Variants in CENPW observed in about 807,000 individuals in gnomAD.
The protein encoded by CENPW is centromere protein W, also known as cancer-up-regulated gene 2 protein.
In CENPW, 3 loss-of-function variants were observed where a neutral mutation model predicts 11.1. That is an observed-to-expected ratio of 0.27 (90% CI 0.12 to 0.70). The LOEUF (loss-of-function observed/expected upper bound fraction) is 0.70. Among genes scored for constraint, CENPW ranks in the 30% least tolerant of loss-of-function variants. CENPW has a pLI of 0.77. For synonymous variants in CENPW, 38 were observed against 42.0 expected (o/e 0.91, Z 0.37); for missense variants, 100 against 105.6 (o/e 0.95, Z 0.23).
the CENPW span, among the ~76,000 whole-genome samples, chr6:126,471,028 G>C: frequency 6.6e-6 from 1 of 152,176 alleles, no homozygotes; most frequent in Admixed American, 6.5e-5. Context: ...GCTGGAATGA[G>C]TTAAGAATTT....
At chr6:126,434,847 A>C in the CENPW span, among the ~76,000 whole-genome samples, 1 of 152,016 alleles carries the variant, frequency 6.6e-6, no homozygotes, top group Non-Finnish European at 1.5e-5. Flanking sequence ...GGAGACATCA[A>C]AGATCAATGA....
At chr6:126,392,077 A>T in the CENPW span, among the ~76,000 whole-genome samples, 1 of 151,946 alleles carries the variant, frequency 6.6e-6, no homozygotes, top group Non-Finnish European at 1.5e-5. Context: ...TGGAAATTTT[A>T]ACAACATTGA....
chr6:126,444,053 C>CA, the CENPW span, among the ~76,000 whole-genome samples: 30 of 135,596 alleles, frequency 2.2e-4, no homozygotes, highest in Non-Finnish European at 1.6e-5. Flanking sequence ...TCAATCAGGT[C>CA]TTTTTTTTTT....
chr6:126,384,894 T>C, the CENPW span, among the ~76,000 whole-genome samples: 3 of 152,056 alleles, frequency 2.0e-5, no homozygotes, highest in African/African-American at 7.2e-5. Flanking sequence ...ATCCAGCATC[T>C]ATAAGGAACT....
chr6:126,372,390 C>T, the CENPW span, among the ~76,000 whole-genome samples: 1 of 152,118 alleles, frequency 6.6e-6, no homozygotes, highest in African/African-American at 2.4e-5. Flanking sequence ...CAGGTTCTAA[C>T]ATTTTAAATT....
At chr6:126,381,248 T>A in the CENPW span, among the ~76,000 whole-genome samples, 1 of 152,234 alleles carries the variant, frequency 6.6e-6, no homozygotes, top group African/African-American at 2.4e-5. Flanking sequence ...TTTTTGTATA[T>A]GTTGTCTTAG....
chr6:126,397,302 T>G, the CENPW span, among the ~76,000 whole-genome samples: 9 of 152,050 alleles, frequency 5.9e-5, no homozygotes, highest in Admixed American at 1.3e-4. Flanking sequence ...ATTGGCTGAG[T>G]TTAGCCTGAT....
intron 1 of CENPW, among the ~76,000 whole-genome samples, chr6:126,345,947 A>G (rs1780400341): frequency 1.3e-5 from 2 of 152,192 alleles, no homozygotes; most frequent in Admixed American, 1.3e-4. Flanking sequence ...TTGATATGTA[A>G]TGATGCTTTA....
At chr6:126,340,607 A>G (rs1366957492) in intron 1 of CENPW, among the ~76,000 whole-genome samples, 1 of 152,204 alleles carries the variant, frequency 6.6e-6, no homozygotes, top group African/African-American at 2.4e-5. Flanking sequence ...CCGCGCCGAA[A>G]AGTAAATATC....
At chr6:126,427,234 G>A in the CENPW span, among the ~76,000 whole-genome samples, 3 of 152,000 alleles carry the variant, frequency 2.0e-5, no homozygotes, top group Admixed American at 2.0e-4. Context: ...GCCATTTTTT[G>A]CTTTGAGTGT....
the CENPW span, among the ~76,000 whole-genome samples, chr6:126,376,004 G>T: frequency 6.6e-6 from 1 of 152,250 alleles, no homozygotes; most frequent in East Asian, 1.9e-4. Flanking sequence ...GCCATGGAAA[G>T]TCTCATAATG....
At chr6:126,427,148 A>C in the CENPW span, among the ~76,000 whole-genome samples, 2 of 152,246 alleles carry the variant, frequency 1.3e-5, no homozygotes, top group South Asian at 4.1e-4. Flanking sequence ...CACTGGGCTC[A>C]CCTTCCAAGT....
the CENPW span, among the ~76,000 whole-genome samples, chr6:126,432,079 A>C: frequency 1.3e-5 from 2 of 151,444 alleles, no homozygotes; most frequent in African/African-American, 4.9e-5. Context: ...AAAAAAAAAA[A>C]AAAAAAAAAA....
At chr6:126,392,563 C>T in the CENPW span, among the ~76,000 whole-genome samples, 1 of 151,914 alleles carries the variant, frequency 6.6e-6, no homozygotes, top group Non-Finnish European at 1.5e-5. Context: ...TTGAAATGAT[C>T]ATATGGTTTT....
chr6:126,364,371 A>G, the CENPW span, among the ~76,000 whole-genome samples: 6 of 152,216 alleles, frequency 3.9e-5, no homozygotes, highest in Non-Finnish European at 8.8e-5. Flanking sequence ...AAGGCCTAGT[A>G]TAGAGTTTTC....
At chr6:126,361,354 C>T in the CENPW span, among the ~76,000 whole-genome samples, 2 of 152,006 alleles carry the variant, frequency 1.3e-5, no homozygotes, top group Non-Finnish European at 2.9e-5. Flanking sequence ...GGATGGAGTG[C>T]AGTGGCGCAG....
chr6:126,383,729 C>G, the CENPW span, among the ~76,000 whole-genome samples: 99 of 152,056 alleles, frequency 6.5e-4, no homozygotes, highest in Non-Finnish European at 1.2e-3. Flanking sequence ...CCTAACTATC[C>G]TAAATATATA....
chr6:126,432,900 A>T, the CENPW span, among the ~76,000 whole-genome samples: 2 of 152,164 alleles, frequency 1.3e-5, no homozygotes, highest in Non-Finnish European at 2.9e-5. Flanking sequence ...CTGCTACCCT[A>T]GATAAGGAAG....
chr6:126,423,113 C>G, the CENPW span, among the ~76,000 whole-genome samples: 4 of 151,362 alleles, frequency 2.6e-5, no homozygotes, highest in African/African-American at 9.7e-5. Flanking sequence ...TGTATGGTTG[C>G]CCATCAGTAT....
Sources: gnomAD v4.1 joint callset for allele counts (sites outside exome capture counted in the v4.1 genomes callset) on GRCh38, gnomAD v4.1.1 for gene constraint, MANE v1.5 for transcripts, NCBI Gene and HGNC (gene_info 2026-07-23, HGNC 2026-07-21) for gene names.